CNTLN: variants seen among roughly 807,000 people sequenced by gnomAD.
The protein encoded by CNTLN is centlein, also known as centlein, centrosomal protein.
A neutral mutation model predicts 180.0 loss-of-function variants in CNTLN; 212 were observed. The ratio of observed to expected loss-of-function variants is 1.18; its 90% CI spans 1.05 to 1.32. CNTLN has a LOEUF of 1.32. Ranked by LOEUF, CNTLN falls within the 40% of genes most tolerant of loss-of-function variation. The pLI, the probability that CNTLN is intolerant of heterozygous loss-of-function variation, is 0.00. For synonymous variants in CNTLN, 722 were observed against 563.1 expected (o/e 1.28, Z -3.99); for missense variants, 2,095 against 1,610.9 (o/e 1.30, Z -5.14).
chr9:17,366,980 C>T (rs1458204921), intron 13 of CNTLN, among the ~76,000 whole-genome samples: 2 of 152,108 alleles, frequency 1.3e-5, no homozygotes, highest in Non-Finnish European at 2.9e-5. Context: ...GTGGGAACTC[C>T]AAATTTAAGA....
At chr9:17,500,811 A>T (rs1156507924) in intron 25 of CNTLN, among the ~76,000 whole-genome samples, 1 of 151,334 alleles carries the variant, frequency 6.6e-6, no homozygotes, top group Non-Finnish European at 1.5e-5. Flanking sequence ...TTTAAATGAA[A>T]GTTGCCCTGT....
chr9:17,237,805 C>T (rs1261767805), intron 5 of CNTLN, among the ~76,000 whole-genome samples: 1 of 151,930 alleles, frequency 6.6e-6, no homozygotes, highest in Admixed American at 6.6e-5. Flanking sequence ...AAGGATACAT[C>T]TTTCTCGGTG....
At chr9:17,398,775 G>C (rs183966382) in intron 15 of CNTLN, among the ~76,000 whole-genome samples, 5 of 152,244 alleles carry the variant, frequency 3.3e-5, no homozygotes, top group Admixed American at 3.3e-4. Context: ...AGATTATAAA[G>C]GGTTGCAAAA....
chr9:17,330,811 A>G lies in CNTLN; in HGVS notation c.1518+3A>G, dbSNP rs1229007181. 24 of 1,595,474 alleles carry G rather than the reference A, an allele frequency of 1.5e-5. No homozygotes were observed. Among genetic ancestry groups the G allele is most frequent in the Non-Finnish European group, 2.0e-5 (24 of 1,173,226 alleles). The stretch of plus-strand genomic sequence containing the variant: ...CAAGTGCTGAAGGAAAACATAAGGT[A>G]GGGACATTTTGTCATTTTGTGAATT... On this transcript the variant is annotated splice_donor_region_variant and intron_variant, in intron 9 of 25. Coordinates refer to ENST00000380647, the MANE Select transcript of CNTLN (RefSeq NM_017738.4).
Position 17,236,477 on chromosome 9 carries a change from A to G in CNTLN, c.738A>G (p.Glu246=), listed in dbSNP as rs776538075. Reference sequence around the variant, plus strand: ...TAGTTATAAAAAATCTGGAGGAGGAAAACAAGAAATTAAGTACCCGCTGCA... The same window carrying G: ...TAGTTATAAAAAATCTGGAGGAGGAGAACAAGAAATTAAGTACCCGCTGCA... ...NRLVIKNLEE[E]NKKLSTRCTD... is the part of the protein sequence containing the mutation. Residue 246 remains glutamate, a synonymous_variant, in exon 5 of 26, where the codon GAA becomes GAG. Coordinates refer to ENST00000380647, the MANE Select transcript of CNTLN (RefSeq NM_017738.4). 2.5e-6 allele frequency: 4 copies of G among 1,613,804 alleles called. No homozygotes were observed. The highest frequency in any genetic ancestry group is 3.4e-6 in the Non-Finnish European group (4 of 1,179,770).
At chr9:17,274,499 A>ATCTG (rs1012951930) in intron 6 of CNTLN, among the ~76,000 whole-genome samples, 3 of 144,108 alleles carry the variant, frequency 2.1e-5, no homozygotes, top group Non-Finnish European at 4.5e-5. Flanking sequence ...CTATCTATCT[A>ATCTG]TCTATGTATC....
At chr9:17,390,798 G>A (rs999921248) in intron 14 of CNTLN, among the ~76,000 whole-genome samples, 1 of 152,088 alleles carries the variant, frequency 6.6e-6, no homozygotes, top group African/African-American at 2.4e-5. Flanking sequence ...TAGAAGTAGT[G>A]TCTCTGTTTT....
rs776118636 is a variant in CNTLN at position 17,342,360 on chromosome 9, A to C, written c.1802A>C (p.Gln601Pro). The part of the protein sequence containing the change: ...EIRKIKRADP[Q>P]QLRQEDSDAV... ...AGGAAAATAAAGAGAGCAGATCCCC[A>C]ACAACTTCGACAAGAAGATTCTGAC... The change falls in exon 12 of 26, where the codon CAA becomes CCA. Residue 601 changes from glutamine (Q) to proline (P), a missense_variant. Physicochemically the swap from Gln to Pro is moderately conservative, Grantham distance 76. Transcript: ENST00000380647. 6.2e-7 allele frequency: 1 copy of C among 1,612,218 alleles called. No homozygotes were observed. Among genetic ancestry groups the C allele is most frequent in the Non-Finnish European group, 8.5e-7 (1 of 1,179,324 alleles).
chr9:17,135,296 TC>T lies in CNTLN; in HGVS notation c.235del (p.Leu79SerfsTer11). On this transcript the variant is annotated frameshift_variant, in exon 1 of 26. Coordinates refer to ENST00000380647, the MANE Select transcript of CNTLN (RefSeq NM_017738.4). LOFTEE classifies it high-confidence loss of function. ...CTGGGGGGGCAGCTCCGGCTCATGC[TC>T]CCCTCCTCAGCGCGCCCATGGGGTC... The part of the protein sequence containing the change: ...GPGGAAPAHA[P>X]LLSAPMGSRR... 6.2e-7 allele frequency: 1 copy of T among 1,600,644 alleles called. No individual in the cohort carries two copies. Among genetic ancestry groups the T allele is most frequent in the Non-Finnish European group, 8.5e-7 (1 of 1,174,552 alleles).
chr9:17,262,914 A>G (rs1164341762), intron 5 of CNTLN, among the ~76,000 whole-genome samples: 1 of 151,198 alleles, frequency 6.6e-6, no homozygotes, highest in Non-Finnish European at 1.5e-5. Context: ...AGTTTTTATC[A>G]TGAAGGGTTG....
At chr9:17,398,024 ATGTATATATATAATTT>A (rs1826669642) in intron 15 of CNTLN, among the ~76,000 whole-genome samples, 1 of 151,896 alleles carries the variant, frequency 6.6e-6, no homozygotes, top group Admixed American at 6.6e-5. Flanking sequence ...AAAAAATAGT[ATGTATATATATAATTT>A]TGTATATATA....
intron 2 of CNTLN, among the ~76,000 whole-genome samples, chr9:17,181,129 A>G (rs1278378463): frequency 1.3e-5 from 2 of 152,160 alleles, no homozygotes; most frequent in Admixed American, 6.5e-5. Flanking sequence ...GTTTCTTTGT[A>G]TATTTATTGA....
At chr9:17,248,105 C>T (rs989999036) in intron 5 of CNTLN, among the ~76,000 whole-genome samples, 3 of 152,126 alleles carry the variant, frequency 2.0e-5, no homozygotes, top group Non-Finnish European at 4.4e-5. Flanking sequence ...ATTACATAGG[C>T]GTGAGCCACT....
chr9:17,421,042 T>C (rs1195282702), intron 18 of CNTLN, among the ~76,000 whole-genome samples: 1 of 152,172 alleles, frequency 6.6e-6, no homozygotes, highest in African/African-American at 2.4e-5. Flanking sequence ...TGCAGCTGTT[T>C]GATGAAGTGT....
chr9:17,273,721 C>T lies in CNTLN; in HGVS notation c.850-12C>T. 1.4e-6 allele frequency: 2 copies of T among 1,429,908 alleles called. No individual in the cohort carries two copies. The highest frequency in any genetic ancestry group is 1.9e-6 in the Non-Finnish European group (2 of 1,061,636). The allele number at this position is 1,429,908 out of a possible 1,614,324, so 88.6% of individuals were successfully genotyped here. A position where few individuals can be genotyped will look rare whatever the true frequency, so the allele number is the denominator to read the frequency against. On this transcript the variant is annotated splice_polypyrimidine_tract_variant and intron_variant, in intron 5 of 25. Transcript: ENST00000380647. ...TTATGTTTGATTATTGATATAAGCA[C>T]TCTAATTTTAGACCTTTGAAGACAA...
chr9:17,402,357 AAG>A (rs1289834851), intron 15 of CNTLN, among the ~76,000 whole-genome samples: 1 of 151,790 alleles, frequency 6.6e-6, no homozygotes, highest in Non-Finnish European at 1.5e-5. Flanking sequence ...GCACTGTATC[AAG>A]AGAGAGAAAA....
At chr9:17,179,131 C>T (rs1366494533) in intron 2 of CNTLN, among the ~76,000 whole-genome samples, 1 of 148,434 alleles carries the variant, frequency 6.7e-6, no homozygotes, top group Non-Finnish European at 1.5e-5. Context: ...GTAGTCCCAG[C>T]TACTTGGGAG....
At position 17,484,415 on chromosome 9, in the gene CNTLN, G is replaced by T; in HGVS notation, c.3976G>T (p.Ala1326Ser). Residue 1326 changes from alanine to serine, a missense_variant, in exon 24 of 26, where the codon GCA becomes TCA. By Grantham distance (99) the Ala-to-Ser change is moderately conservative (BLOSUM62 1). Coordinates refer to ENST00000380647, the MANE Select transcript of CNTLN (RefSeq NM_017738.4). ...KTSTHKAQTL[A>S]ASILNISRSD... ...CTCAACCCATAAAGCCCAGACCTTG[G>T]CAGCTTCTATCCTGAACATTTCACG... 1 of 1,611,818 alleles carries T rather than the reference G, an allele frequency of 6.2e-7. No homozygotes were observed. Among genetic ancestry groups the T allele is most frequent in the Non-Finnish European group, 8.5e-7 (1 of 1,179,320 alleles).
intron 13 of CNTLN, among the ~76,000 whole-genome samples, chr9:17,376,513 G>A (rs1344064670): frequency 1.3e-5 from 2 of 150,604 alleles, no homozygotes; most frequent in African/African-American, 4.9e-5. Flanking sequence ...GTGCAGTGGC[G>A]CCATCTCGTC....
Sources: allele counts gnomAD v4.1 joint callset (sites outside exome capture counted in the v4.1 genomes callset), GRCh38; gene constraint gnomAD v4.1.1; transcripts MANE v1.5; gene names NCBI Gene and HGNC (gene_info 2026-07-23, HGNC 2026-07-21).